UGGT2: variants seen among roughly 807,000 people sequenced by gnomAD.
UGGT2 encodes the protein UDP-glucose glycoprotein glucosyltransferase 2.
UGGT2 carries 180 observed loss-of-function variants against 192.1 expected under a neutral mutation model. The observed-to-expected ratio is 0.94, with a 90% CI of 0.83 to 1.06. The LOEUF is 1.06. UGGT2 is among the 50% of genes least tolerant of loss of function. UGGT2 has a pLI of 0.00. For synonymous variants in UGGT2, 580 were observed against 591.0 expected (o/e 0.98, Z 0.27); for missense variants, 1,849 against 1,795.7 (o/e 1.03, Z -0.54).
chr13:95,974,472 A>C (rs751714064), intron 10 of UGGT2, among the ~76,000 whole-genome samples: 30 of 152,188 alleles, frequency 2.0e-4, no homozygotes, highest in Non-Finnish European at 3.7e-4. Context: ...TAAATCCCTC[A>C]AGACTGTTTA....
At chr13:95,907,448 GCCT>G (rs1387987661) in intron 20 of UGGT2, among the ~76,000 whole-genome samples, 7 of 52,198 alleles carry the variant, frequency 1.3e-4, no homozygotes, top group Non-Finnish European at 2.4e-4. Context: ...TGGACAGACT[GCCT>G]CCTCAAGTGG....
intron 38 of UGGT2, among the ~76,000 whole-genome samples, chr13:95,808,172 T>C (rs150648071): frequency 1.2e-3 from 180 of 152,290 alleles, no homozygotes; most frequent in African/African-American, 4.2e-3. Context: ...GACAAAAGCA[T>C]TGATGGAACC....
At chr13:96,009,773 A>C (rs2052097482) in intron 5 of UGGT2, among the ~76,000 whole-genome samples, 1 of 152,208 alleles carries the variant, frequency 6.6e-6, no homozygotes, top group South Asian at 2.1e-4. Context: ...GCGCCACTGC[A>C]CTCCAGCCTG....
chr13:95,823,579 G>A (rs914781219), intron 38 of UGGT2, among the ~76,000 whole-genome samples: 4 of 151,790 alleles, frequency 2.6e-5, no homozygotes, highest in South Asian at 2.1e-4. Context: ...GAATAGCTAC[G>A]CCTGCTTGCT....
chr13:95,927,996 T>C (rs902704914), intron 17 of UGGT2, among the ~76,000 whole-genome samples: 12 of 152,186 alleles, frequency 7.9e-5, no homozygotes, highest in Non-Finnish European at 1.8e-4. Context: ...GGTTATAGAT[T>C]AACAGCATCC....
rs1326879747 is a variant in UGGT2, at chr13:95,853,597, C to T, written c.4230G>A (p.Arg1410=). 13 of 1,606,210 alleles carry T rather than the reference C, an allele frequency of 8.1e-6. No individual in the cohort carries two copies. Among genetic ancestry groups the T allele is most frequent in the Non-Finnish European group, 1.0e-5 (12 of 1,177,862 alleles). The part of the protein sequence containing the change: ...FRRIGAGDRL[R]SQYQALSQDP... The stretch of plus-strand genomic sequence containing the variant: ...CTTGACTGAGAGCTTGATACTGGCT[C>T]CTGAGCCTGTCACCTGCTCCAATTC... The change falls in exon 36 of 39, where the codon AGG becomes AGA. Residue 1410 remains arginine, a synonymous_variant. Transcript: ENST00000376747.
At chr13:95,922,692 T>A (rs1328885014) in intron 20 of UGGT2, among the ~76,000 whole-genome samples, 1 of 151,834 alleles carries the variant, frequency 6.6e-6, no homozygotes, top group African/African-American at 2.4e-5. Flanking sequence ...TGTGATGGCA[T>A]GCACCTGCAG....
intron 10 of UGGT2, among the ~76,000 whole-genome samples, chr13:95,974,667 T>C (rs1049009080): frequency 6.6e-6 from 1 of 152,186 alleles, no homozygotes; most frequent in African/African-American, 2.4e-5. Context: ...TAGTGTATAT[T>C]TGAGTATGTA....
intron 12 of UGGT2, among the ~76,000 whole-genome samples, chr13:95,962,059 C>A (rs995708678): frequency 6.6e-6 from 1 of 152,038 alleles, no homozygotes; most frequent in Admixed American, 6.6e-5. Flanking sequence ...ACACAACATA[C>A]TAAAACCTGT....
chr13:96,025,387 T>C (rs2052633476), intron 2 of UGGT2, among the ~76,000 whole-genome samples: 1 of 152,148 alleles, frequency 6.6e-6, no homozygotes, highest in South Asian at 2.1e-4. Flanking sequence ...TTGCTGCCTA[T>C]TAATGAAGAG....
intron 12 of UGGT2, among the ~76,000 whole-genome samples, chr13:95,960,971 T>C (rs2050372940): frequency 6.6e-6 from 1 of 152,124 alleles, no homozygotes; most frequent in Non-Finnish European, 1.5e-5. Context: ...ATAAAGTCTT[T>C]CCCAGACAAG....
chr13:95,887,496 A>G (rs2047678664), intron 26 of UGGT2: 1 of 309,644 alleles, frequency 3.2e-6, no homozygotes. Context: ...ATTCTAAGCT[A>G]ATTTTATCCT....
intron 1 of UGGT2, among the ~76,000 whole-genome samples, chr13:96,035,579 AAG>A (rs1566847849): frequency 6.6e-6 from 1 of 152,232 alleles, no homozygotes; most frequent in Non-Finnish European, 1.5e-5. Context: ...ATTTAAACTA[AAG>A]AGTTTCTGCA....
chr13:95,822,804 C>T (rs1056321958), intron 38 of UGGT2, among the ~76,000 whole-genome samples: 2 of 151,866 alleles, frequency 1.3e-5, no homozygotes, highest in Non-Finnish European at 2.9e-5. Context: ...TCATTTAGTT[C>T]TGCTCTGATC....
At chr13:95,995,870 C>T in intron 7 of UGGT2, 193 bp downstream of exon 7, 1 of 556,872 alleles carries the variant, frequency 1.8e-6, no homozygotes, top group East Asian at 3.4e-5. Flanking sequence ...TTTAAATGTG[C>T]TTTTCTGCTT....
chr13:95,830,403 G>A (rs1467012915), intron 38 of UGGT2, among the ~76,000 whole-genome samples: 1 of 152,086 alleles, frequency 6.6e-6, no homozygotes, highest in African/African-American at 2.4e-5. Context: ...CTAATATCCA[G>A]AATCTACAAT....
At chr13:95,856,022 T>C in intron 34 of UGGT2, 136 bp downstream of exon 34, 2 of 663,092 alleles carry the variant, frequency 3.0e-6, no homozygotes, top group Non-Finnish European at 4.6e-6. Context: ...AAAGATACTT[T>C]GCTTATATAT....
At position 95,949,470 on chromosome 13, in the gene UGGT2, G is replaced by C. The variant is rs2049988903; in HGVS notation, c.1336-16C>G. ...CATTAATCCACTAGAAAAGAACGCAGACACTTGTGAAAGCTATATTAACAC... is the reference window on the plus strand; with the variant it reads ...CATTAATCCACTAGAAAAGAACGCACACACTTGTGAAAGCTATATTAACAC... On this transcript the variant is annotated splice_polypyrimidine_tract_variant and intron_variant, in intron 12 of 38. Coordinates refer to ENST00000376747, the MANE Select transcript of UGGT2 (RefSeq NM_020121.4). The C allele has an allele frequency of 3.5e-6, 5 of 1,444,698 alleles. No individual in the cohort carries two copies. The East Asian group carries it at 1.2e-4, about 36-fold the overall frequency. The allele number at this position is 1,444,698 out of a possible 1,614,324, so 89.5% of individuals were successfully genotyped here. A position where few individuals can be genotyped will look rare whatever the true frequency, so the allele number is the denominator to read the frequency against.
intron 17 of UGGT2, among the ~76,000 whole-genome samples, chr13:95,929,770 G>A (rs1176899371): frequency 6.6e-6 from 1 of 152,198 alleles, no homozygotes; most frequent in Non-Finnish European, 1.5e-5. Flanking sequence ...CTTTTTGGTA[G>A]AACGATTTAT....
Sources: allele counts gnomAD v4.1 joint callset (sites outside exome capture counted in the v4.1 genomes callset), GRCh38; gene constraint gnomAD v4.1.1; transcripts MANE v1.5; gene names NCBI Gene and HGNC (gene_info 2026-07-23, HGNC 2026-07-21).